Variants in EPCAM observed in about 807,000 individuals in gnomAD.
The protein encoded by EPCAM is adenocarcinoma-associated antigen.
Under a neutral mutation model 40.0 loss-of-function variants are expected in EPCAM, and 39 were observed. That is an observed-to-expected ratio of 0.98 (90% CI 0.76 to 1.27). The LOEUF is 1.27. Ranked by LOEUF, EPCAM falls within the 50% of genes most tolerant of loss-of-function variation. The pLI is 0.00. For missense variants in EPCAM, 503 were observed against 381.2 expected (o/e 1.32, Z -2.66); for synonymous variants, 168 against 132.3 (o/e 1.27, Z -1.85).
intron 3 of EPCAM, among the ~76,000 whole-genome samples, chr2:47,374,275 A>T (rs139479702): frequency 1.3e-5 from 2 of 152,118 alleles, no homozygotes; most frequent in Admixed American, 6.6e-5. Flanking sequence ...TGAATTTGTT[A>T]TATATCTGTT....
chr2:47,376,543 A>G (rs190750904), intron 4 of EPCAM, among the ~76,000 whole-genome samples: 44 of 152,292 alleles, frequency 2.9e-4, no homozygotes, highest in Admixed American at 7.9e-4. Flanking sequence ...TACAGGCATG[A>G]GCCACCTCAC....
intron 7 of EPCAM, chr2:47,383,305 G>GGAAAAA (rs1305593102): frequency 3.5e-4 from 44 of 124,044 alleles, no homozygotes; most frequent in African/African-American, 1.2e-3. Context: ...GACTCCATCT[G>GGAAAAA]AAAAAAAAAA....
intron 1 of EPCAM, among the ~76,000 whole-genome samples, chr2:47,372,000 C>T (rs945498838): frequency 6.6e-6 from 1 of 152,054 alleles, no homozygotes; most frequent in African/African-American, 2.4e-5. Context: ...TTTAACTAGA[C>T]AAAAGGAATT....
intron 5 of EPCAM, among the ~76,000 whole-genome samples, chr2:47,378,648 C>T (rs1437096630): frequency 6.6e-6 from 1 of 152,038 alleles, no homozygotes; most frequent in Non-Finnish European, 1.5e-5. Flanking sequence ...AGTTCTAATC[C>T]AAATAAAATA....
chr2:47,384,248 C>T (rs905754562), intron 7 of EPCAM, among the ~76,000 whole-genome samples: 2 of 151,624 alleles, frequency 1.3e-5, no homozygotes, highest in South Asian at 2.1e-4. Context: ...GGATTACAGG[C>T]GCCTGCCACC....
chr2:47,377,709 A>G, intron 5 of EPCAM: 1 of 408,066 alleles, frequency 2.5e-6, no homozygotes, highest in Non-Finnish European at 4.9e-6. Context: ...TATGCACCAA[A>G]ATTACTTTTG....
Position 47,369,412 on chromosome 2 carries a change from C to G in EPCAM, c.-94C>G. The G allele has an allele frequency of 1.6e-6, 2 of 1,264,266 alleles. No homozygotes were observed. The highest frequency in any genetic ancestry group is 1.0e-6 in the Non-Finnish European group (1 of 976,666). The allele number at this position is 1,264,266 out of a possible 1,614,324, so 78.3% of individuals were successfully genotyped here. ...GGACCCGCGTGCCCCAGGCCTCGCGCTGCCCGGCCGGCTCCTCGTGTCCCA... is the reference window on the plus strand; with the variant it reads ...GGACCCGCGTGCCCCAGGCCTCGCGGTGCCCGGCCGGCTCCTCGTGTCCCA... On this transcript the variant is annotated 5_prime_UTR_variant, in exon 1 of 9. Transcript: ENST00000263735.
chr2:47,382,832 A>T (rs143432706), intron 7 of EPCAM, among the ~76,000 whole-genome samples: 2 of 152,234 alleles, frequency 1.3e-5, no homozygotes, highest in African/African-American at 4.8e-5. Context: ...TGGATCTGGA[A>T]TGGTTGCTAT....
At position 47,384,974 on chromosome 2, in the gene EPCAM, C is replaced by T. The variant is rs7584148; in HGVS notation, c.859-192C>T. Among the ~76,000 whole-genome samples, 5,779 of 151,614 alleles carry T rather than the reference C, an allele frequency of 0.038. 398 individuals carry two copies. Among genetic ancestry groups the T allele is most frequent in the African/African-American group, 0.13 (5,428 of 41,286 alleles). ...TTCCCGCTTCGGCCTCCCAAAGTGCCGGGATTACAGGCATGAGCCACTCCA... is the reference window on the plus strand; with the variant it reads ...TTCCCGCTTCGGCCTCCCAAAGTGCTGGGATTACAGGCATGAGCCACTCCA... On this transcript the variant is annotated intron_variant, in intron 7 of 8. Coordinates refer to ENST00000263735, the MANE Select transcript of EPCAM (RefSeq NM_002354.3).
rs756029969 is a variant in EPCAM, at chr2:47,369,768, C to T, written c.76+187C>T. The T allele has an allele frequency of 7.0e-6, 5 of 718,692 alleles. No individual in the cohort carries two copies. The South Asian group carries it at 7.5e-5, about 11-fold the overall frequency. 44.5% of individuals were successfully genotyped at this position (718,692 alleles called of 1,614,324 possible). A position where few individuals can be genotyped will look rare whatever the true frequency, so the allele number is the denominator to read the frequency against. On this transcript the variant is annotated intron_variant, in intron 1 of 8. Coordinates refer to ENST00000263735, the MANE Select transcript of EPCAM (RefSeq NM_002354.3). ...CCGCGCGGTAGGAAACGGCGAGGGC[C>T]GTCCCGGGGAGCAGCCTCACTTCGC...
chr2:47,374,930 C>G (rs558812362), intron 3 of EPCAM, among the ~76,000 whole-genome samples: 1 of 152,304 alleles, frequency 6.6e-6, no homozygotes, highest in South Asian at 2.1e-4. Flanking sequence ...AGCCACCATG[C>G]CCGGGCCTTT....
At chr2:47,381,852 C>T (rs1053596625) in intron 7 of EPCAM, among the ~76,000 whole-genome samples, 3 of 152,100 alleles carry the variant, frequency 2.0e-5, no homozygotes, top group African/African-American at 7.2e-5. Context: ...CTGCAACCTC[C>T]AATTCCTGGA....
intron 3 of EPCAM, among the ~76,000 whole-genome samples, chr2:47,374,399 C>A (rs918231287): frequency 2.0e-5 from 3 of 151,876 alleles, no homozygotes; most frequent in Admixed American, 2.0e-4. Flanking sequence ...GTAATTTAAC[C>A]TATGTATTTG....
chr2:47,379,918 T>G lies in EPCAM; in HGVS notation c.807T>G (p.Ile269Met). Residue 269 changes from isoleucine (I) to methionine (M), a missense_variant, in exon 7 of 9, where the codon ATT (isoleucine) becomes ATG (methionine). Ile to Met is a conservative substitution (Grantham distance 10, BLOSUM62 1). Transcript: ENST00000263735. ...TGCAGGGTCTAAAAGCTGGTGTTAT[T>G]GCTGTTATTGTGGTTGTGGTGATAG... ...FSMQGLKAGV[I>M]AVIVVVVIAV... The G allele has an allele frequency of 1.9e-6, 3 of 1,614,138 alleles. No individual in the cohort carries two copies. Among genetic ancestry groups the G allele is most frequent in the Non-Finnish European group, 2.5e-6 (3 of 1,180,014 alleles).
Position 47,373,815 on chromosome 2 carries a change from C to G in EPCAM, c.192C>G (p.Ala64=). ...TTAAGGTTTCTTTTTCAGTGGCTGC[C>G]AAATGTTTGGTGATGAAGGCAGAAA... ...QNTVICSKLA[A]KCLVMKAEMN... Residue 64 remains alanine (A), a synonymous_variant, in exon 3 of 9, where the codon GCC becomes GCG. Coordinates refer to ENST00000263735, the MANE Select transcript of EPCAM (RefSeq NM_002354.3). The G allele has an allele frequency of 1.2e-6, 2 of 1,613,882 alleles. No homozygotes were observed. Among genetic ancestry groups the G allele is most frequent in the East Asian group, 4.5e-5 (2 of 44,872 alleles).
rs2103759157 is a variant in EPCAM, at chr2:47,379,881, C to T, written c.770C>T (p.Pro257Leu). Residue 257 changes from proline to leucine, a missense_variant, in exon 7 of 9, where the codon CCT becomes CTT. Pro to Leu is a moderately conservative substitution (Grantham distance 98, BLOSUM62 -3). Transcript: ENST00000263735. The part of the protein sequence containing the change: ...TLIYYVDEKA[P>L]EFSMQGLKAG... ...ATTTATTATGTTGATGAAAAAGCAC[C>T]TGAATTCTCAATGCAGGGTCTAAAA... The T allele has an allele frequency of 6.2e-7, 1 of 1,614,106 alleles. No individual in the cohort carries two copies. Among genetic ancestry groups the T allele is most frequent in the Non-Finnish European group, 8.5e-7 (1 of 1,180,034 alleles).
rs116429842 is a variant in EPCAM at position 47,369,555 on chromosome 2, C to A, written c.50C>A (p.Thr17Lys). The A allele has an allele frequency of 2.1e-3, 3,312 of 1,588,506 alleles. 60 individuals carry two copies. The African/African-American group carries it at 0.033, about 16-fold the overall frequency. The change falls in exon 1 of 9, where the codon ACG becomes AAG. Residue 17 changes from threonine (T) to lysine (K), a missense_variant. Transcript: ENST00000263735. ...LAFGLLLAAA[T>K]ATFAAAQEEC... ...TTCGGGCTTCTGCTTGCCGCGGCGA[C>A]GGCGACTTTTGCCGCAGCTCAGGAA...
chr2:47,369,633 G>C (rs1365938347), intron 1 of EPCAM, 52 bp downstream of exon 1: 7 of 1,510,622 alleles, frequency 4.6e-6, no homozygotes, highest in Non-Finnish European at 6.3e-6. Flanking sequence ...CTGGGGGGCA[G>C]CGGCCCCCGG....
rs886056131 is a variant in EPCAM, at chr2:47,369,427, C to T, written c.-79C>T. On this transcript the variant is annotated 5_prime_UTR_variant, in exon 1 of 9. Transcript: ENST00000263735. ...AGGCCTCGCGCTGCCCGGCCGGCTC[C>T]TCGTGTCCCACTCCCGGCGCACGCC... 52 of 1,313,012 alleles carry T rather than the reference C, an allele frequency of 4.0e-5. No homozygotes were observed. In the East Asian group the frequency reaches 1.3e-3, roughly 33 times the overall value. The allele number at this position is 1,313,012 out of a possible 1,614,324, so 81.3% of individuals were successfully genotyped here. A position where few individuals can be genotyped will look rare whatever the true frequency, so the allele number is the denominator to read the frequency against.
Sources: allele counts gnomAD v4.1 joint callset (sites outside exome capture counted in the v4.1 genomes callset), GRCh38; gene constraint gnomAD v4.1.1; transcripts MANE v1.5; gene names NCBI Gene and HGNC (gene_info 2026-07-23, HGNC 2026-07-21).